WNT4: variants seen among roughly 807,000 people sequenced by gnomAD.
WNT4 encodes the protein protein Wnt-4.
A neutral mutation model predicts 34.5 loss-of-function variants in WNT4; 16 were observed. The observed-to-expected ratio is 0.46, with a 90% CI of 0.31 to 0.70. The LOEUF is 0.70. WNT4 is among the 30% of genes least tolerant of loss of function. The probability of loss-of-function intolerance (pLI) is 0.04; values close to 1 mark genes in which losing one functional copy is unlikely to be tolerated. For missense variants in WNT4, 379 were observed against 495.9 expected (o/e 0.76, Z 2.24); for synonymous variants, 200 against 211.9 (o/e 0.94, Z 0.49).
At chr1:22,131,274 A>T (rs957310247) in intron 1 of WNT4, among the ~76,000 whole-genome samples, 1 of 152,224 alleles carries the variant, frequency 6.6e-6, no homozygotes, top group Non-Finnish European at 1.5e-5. Context: ...TTTATTTGTC[A>T]GGTATGTGGG....
intron 2 of WNT4, among the ~76,000 whole-genome samples, chr1:22,128,572 C>T (rs1645957636): frequency 6.6e-6 from 1 of 152,212 alleles, no homozygotes; most frequent in African/African-American, 2.4e-5. Context: ...CTGAGCATCC[C>T]AGCCCCAGCC....
chr1:22,120,649 C>T (rs953974710), intron 4 of WNT4, 132 bp from the exon 5 acceptor site: 6 of 914,432 alleles, frequency 6.6e-6, no homozygotes, highest in Admixed American at 2.2e-5. Context: ...GTTGTGCCTC[C>T]TCTTAGGAAT....
intron 2 of WNT4, among the ~76,000 whole-genome samples, chr1:22,121,812 C>T (rs1368656062): frequency 6.6e-6 from 1 of 152,226 alleles, no homozygotes; most frequent in Non-Finnish European, 1.5e-5. Flanking sequence ...ATGCTGTCAT[C>T]CTCACAACCA....
At position 22,142,707 on chromosome 1, in the gene WNT4, G is replaced by C; in HGVS notation, c.77+139C>G. 1 of 521,318 alleles carries C rather than the reference G, an allele frequency of 1.9e-6. No individual in the cohort carries two copies. The highest frequency in any genetic ancestry group is 2.5e-6 in the Non-Finnish European group (1 of 406,244). The allele number at this position is 521,318 out of a possible 1,614,324, so 32.3% of individuals were successfully genotyped here. ...TTCGGGCCGTGGCGGCGGCAGCGGAGCGAGCGAGCCTCCGGTCCCGCGGCC... is the reference window on the plus strand; with the variant it reads ...TTCGGGCCGTGGCGGCGGCAGCGGACCGAGCGAGCCTCCGGTCCCGCGGCC... On this transcript the variant is annotated intron_variant, in intron 1 of 4. Transcript: ENST00000290167. This position sits in a 1 kb window ranked among gnomAD's most constrained non-coding sequence, Gnocchi z 6.0.
At position 22,120,336 on chromosome 1, in the gene WNT4, G is replaced by A. The variant is rs763744310; in HGVS notation, c.770C>T (p.Pro257Leu). The part of the protein sequence containing the change: ...RRVGSSRALV[P>L]RNAQFKPHTD... ...GTGCGGCTTGAACTGTGCGTTGCGT[G>A]GCACCAGTGCCCTGGAGGAGCCCAC... Residue 257 changes from proline (P) to leucine (L), a missense_variant, in exon 5 of 5, where the codon CCA becomes CTA. Pro to Leu is a moderately conservative substitution (Grantham distance 98, BLOSUM62 -3). Transcript: ENST00000290167. 3 of 1,614,238 alleles carry A rather than the reference G, an allele frequency of 1.9e-6. No homozygotes were observed. Among genetic ancestry groups the A allele is most frequent in the Non-Finnish European group, 2.5e-6 (3 of 1,180,042 alleles).
At chr1:22,135,824 C>T (rs982037273) in intron 1 of WNT4, among the ~76,000 whole-genome samples, 3 of 152,152 alleles carry the variant, frequency 2.0e-5, no homozygotes, top group South Asian at 2.1e-4. Flanking sequence ...TTTCCTCAGG[C>T]GGAGAGAGAG....
At chr1:22,127,220 G>T (rs1375126064) in intron 2 of WNT4, 1 of 468,972 alleles carries the variant, frequency 2.1e-6, no homozygotes, top group Non-Finnish European at 4.4e-6. Flanking sequence ...GACTCCACCA[G>T]TCAGACTTTA....
At chr1:22,122,440 G>A (rs560408636) in intron 2 of WNT4, among the ~76,000 whole-genome samples, 1 of 152,208 alleles carries the variant, frequency 6.6e-6, no homozygotes, top group Non-Finnish European at 1.5e-5. Flanking sequence ...GCCCGCCCTC[G>A]TCCCTCGCCT....
rs2124138313 is a variant in WNT4, at chr1:22,139,683, C to T, written c.77+3163G>A. On this transcript the variant is annotated intron_variant, in intron 1 of 4. Transcript: ENST00000290167. The surrounding 1 kb of genome is among the most constrained non-coding windows in gnomAD (Gnocchi z 4.6). ...CTGTGGCCCCAAGGGAGGAAGGGGACACCCAATATGTGGCCCAGAGCTGGG... is the reference window on the plus strand; with the variant it reads ...CTGTGGCCCCAAGGGAGGAAGGGGATACCCAATATGTGGCCCAGAGCTGGG... 6.6e-6 allele frequency among the ~76,000 whole-genome samples: 1 copy of T among 152,332 alleles called. No individual in the cohort carries two copies. Among genetic ancestry groups the T allele is most frequent in the South Asian group, 2.1e-4 (1 of 4,830 alleles).
At chr1:22,126,315 C>T (rs936715544) in intron 2 of WNT4, among the ~76,000 whole-genome samples, 1 of 152,190 alleles carries the variant, frequency 6.6e-6, no homozygotes, top group Non-Finnish European at 1.5e-5. Flanking sequence ...GGTCAGTTAG[C>T]TCTTCCTAGG....
intron 1 of WNT4, among the ~76,000 whole-genome samples, chr1:22,132,923 C>T (rs545534131): frequency 1.3e-5 from 2 of 152,288 alleles, no homozygotes; most frequent in South Asian, 2.1e-4. Context: ...AACCGGGCAC[C>T]GGCTCTAGAG....
Position 22,139,221 on chromosome 1 carries a change from C to T in WNT4, c.77+3625G>A, listed in dbSNP as rs1646046395. ...CCACCCCTATCAATAGGGACGCAGCCCTGCAGCTCCCTGACAGCAGCCCTT... is the reference window on the plus strand; with the variant it reads ...CCACCCCTATCAATAGGGACGCAGCTCTGCAGCTCCCTGACAGCAGCCCTT... On this transcript the variant is annotated intron_variant, in intron 1 of 4. Transcript: ENST00000290167. This position sits in a 1 kb window ranked among gnomAD's most constrained non-coding sequence, Gnocchi z 4.6. Among the ~76,000 whole-genome samples, 1 of 152,166 alleles carries T rather than the reference C, an allele frequency of 6.6e-6. No individual in the cohort carries two copies. The highest frequency in any genetic ancestry group is 2.4e-5 in the African/African-American group (1 of 41,434).
chr1:22,117,761 C>T lies in WNT4; in HGVS notation c.*2289G>A, dbSNP rs1272762970. The T allele has an allele frequency of 6.6e-6, 1 of 152,258 alleles. No homozygotes were observed. The highest frequency in any genetic ancestry group is 1.5e-5 in the Non-Finnish European group (1 of 68,066). 9.4% of individuals were successfully genotyped at this position (152,258 alleles called of 1,614,324 possible). A position where few individuals can be genotyped will look rare whatever the true frequency, so the allele number is the denominator to read the frequency against. ...CAGGAAGATCAGCTTTAGGAACTCCCTGGCAGGTGAAAAGGGCAGTTCCCA... is the reference window on the plus strand; with the variant it reads ...CAGGAAGATCAGCTTTAGGAACTCCTTGGCAGGTGAAAAGGGCAGTTCCCA... On this transcript the variant is annotated 3_prime_UTR_variant, in exon 5 of 5. Transcript: ENST00000290167.
chr1:22,121,286 A>T lies in WNT4; in HGVS notation c.513T>A (p.Asp171Glu). 1 of 1,614,110 alleles carries T rather than the reference A, an allele frequency of 6.2e-7. No homozygotes were observed. Among genetic ancestry groups the T allele is most frequent in the South Asian group, 1.1e-5 (1 of 91,072 alleles). Residue 171 changes from aspartate to glutamate, a missense_variant, in exon 4 of 5, where the codon GAT (aspartate) becomes GAA (glutamate). Asp to Glu is a conservative substitution (Grantham distance 45). This residue lies in a region of WNT4 where 313 missense variants were observed against 445.8 expected (regional missense o/e 0.70). Transcript: ENST00000290167. ...YGVAFSQSFV[D>E]VRERSKGASS... ...AGGCCCCCTTGCTTCTCTCCCGCAC[A>T]TCCACAAACGACTGTGAGAAGGCCA...
At chr1:22,126,928 C>T (rs1570098134) in intron 2 of WNT4, 1 of 261,264 alleles carries the variant, frequency 3.8e-6, no homozygotes, top group Non-Finnish European at 7.6e-6. Context: ...CTCACCCTTC[C>T]TCCATCTGCC....
Position 22,142,891 on chromosome 1 carries a change from C to A in WNT4, c.32G>T (p.Arg11Leu). 1 of 1,209,382 alleles carries A rather than the reference C, an allele frequency of 8.3e-7. No individual in the cohort carries two copies. 74.9% of individuals were successfully genotyped at this position (1,209,382 alleles called of 1,614,324 possible). A position where few individuals can be genotyped will look rare whatever the true frequency, so the allele number is the denominator to read the frequency against. Residue 11 changes from arginine (R) to leucine (L), a missense_variant, in exon 1 of 5, where the codon CGC (arginine) becomes CTC (leucine). Physicochemically the swap from Arg to Leu is moderately radical, Grantham distance 102 (BLOSUM62 -2). Coordinates refer to ENST00000290167, the MANE Select transcript of WNT4 (RefSeq NM_030761.5). This position sits in a 1 kb window ranked among gnomAD's most constrained non-coding sequence, Gnocchi z 6.0. MSPRSCLRSL[R>L]LLVFAVFSAA... ...TGAGAAGACGGCGAAGACGAGGAGG[C>A]GCAGCGAACGCAGGCACGAGCGGGG...
At chr1:22,129,907 G>C (rs1261132406) in intron 1 of WNT4, 56 bp from the exon 2 acceptor site, 1 of 1,595,280 alleles carries the variant, frequency 6.3e-7, no homozygotes, top group Non-Finnish European at 8.6e-7. Context: ...TCCTGGCCCC[G>C]GACCAGGCCT....
intron 2 of WNT4, 117 bp downstream of exon 2, chr1:22,129,499 G>T: frequency 8.0e-7 from 1 of 1,255,670 alleles, no homozygotes; most frequent in Non-Finnish European, 1.1e-6. Context: ...GTCCTGTGCT[G>T]GTTTTGCTTC....
intron 2 of WNT4, among the ~76,000 whole-genome samples, chr1:22,128,950 G>GGTGTA: frequency 6.6e-6 from 1 of 151,970 alleles, no homozygotes; most frequent in East Asian, 1.9e-4. Flanking sequence ...TCGATCTCCT[G>GGTGTA]ACCTCATGAT....
Sources: allele counts gnomAD v4.1 joint callset (sites outside exome capture counted in the v4.1 genomes callset), GRCh38; gene constraint gnomAD v4.1.1; regional missense constraint gnomAD v4.1.1; non-coding constraint Gnocchi (gnomAD v3.1); transcripts MANE v1.5; gene names NCBI Gene and HGNC (gene_info 2026-07-23, HGNC 2026-07-21).